ENPP2: variants seen among roughly 807,000 people sequenced by gnomAD.
ENPP2 encodes ectonucleotide pyrophosphatase/phosphodiesterase 2.
ENPP2 carries 51 observed loss-of-function variants against 120.2 expected under a neutral mutation model. The observed-to-expected ratio is 0.42, with a 90% confidence interval of 0.34 to 0.54. The LOEUF is 0.54. Among genes scored for constraint, ENPP2 ranks in the 20% least tolerant of loss-of-function variants. The pLI, the probability that ENPP2 is intolerant of heterozygous loss-of-function variation, is 0.04. For missense variants in ENPP2, 920 were observed against 1,066.5 expected, an observed-to-expected ratio of 0.86 and a Z score of 1.91; for synonymous variants, 365 against 366.4, an observed-to-expected ratio of 1.00 and a Z score of 0.04.
chr8:119,558,708 T>C (rs917029459), intron 24 of ENPP2, among the ~76,000 whole-genome samples: 11 of 151,576 alleles, frequency 7.3e-5, no homozygotes, highest in African/African-American at 2.0e-4. Flanking sequence ...CTTTCATTAG[T>C]AGACATTGAG....
chr8:119,568,569 A>G (rs1436165451), intron 21 of ENPP2, among the ~76,000 whole-genome samples: 3 of 152,084 alleles, frequency 2.0e-5, no homozygotes, highest in East Asian at 3.9e-4. Context: ...TTAAAAAAAA[A>G]TCATCAAGGT....
intron 22 of ENPP2, among the ~76,000 whole-genome samples, chr8:119,565,523 G>A (rs1421386600): frequency 1.3e-5 from 2 of 152,056 alleles, no homozygotes; most frequent in Admixed American, 6.6e-5. Flanking sequence ...CCCAACCCTC[G>A]CCTTCTCCAT....
intron 9 of ENPP2, among the ~76,000 whole-genome samples, chr8:119,602,572 T>C (rs999540388): frequency 1.3e-5 from 2 of 152,148 alleles, no homozygotes; most frequent in Non-Finnish European, 2.9e-5. Context: ...TGAAATATAA[T>C]TACCCTAAGT....
intron 1 of ENPP2, among the ~76,000 whole-genome samples, chr8:119,651,917 T>C (rs1817638266): frequency 6.6e-6 from 1 of 152,214 alleles, no homozygotes; most frequent in African/African-American, 2.4e-5. Flanking sequence ...TATTAGCTAA[T>C]GCTTATTGAA....
In ENPP2 at chr8:119,603,850, G is replaced by T. The variant is rs555886921; in HGVS notation, c.834-2388C>A. Among the ~76,000 whole-genome samples the T allele has an allele frequency of 2.1e-4, 32 of 152,170 alleles. No homozygotes were observed. The South Asian group carries it at 4.4e-3, about 21-fold the overall frequency. On this transcript the variant is annotated intron_variant, in intron 9 of 24. Transcript: ENST00000075322. ...TGGAGGGGTCGTCATTTTCTTGGGG[G>T]AAAGATAAGCAAGTGATAATTCTTT...
intron 24 of ENPP2, among the ~76,000 whole-genome samples, chr8:119,562,305 T>G (rs758970793): frequency 6.6e-5 from 10 of 151,926 alleles, no homozygotes; most frequent in Non-Finnish European, 1.0e-4. Context: ...TAGCTGGGCA[T>G]GGTGGTGCCC....
chr8:119,601,538 T>TG (rs1240021215), intron 9 of ENPP2, 76 bp from the exon 10 acceptor site: 106 of 1,051,318 alleles, frequency 1.0e-4, no homozygotes, highest in Non-Finnish European at 1.3e-4. Context: ...TGCTCGCTCT[T>TG]GCACCCAGGC....
chr8:119,652,038 T>C (rs1817641294), intron 1 of ENPP2, among the ~76,000 whole-genome samples: 1 of 152,170 alleles, frequency 6.6e-6, no homozygotes, highest in South Asian at 2.1e-4. Context: ...TATAAAAAAA[T>C]ACCATAAACT....
At chr8:119,644,796 C>T (rs889390897) in intron 1 of ENPP2, among the ~76,000 whole-genome samples, 2 of 151,458 alleles carry the variant, frequency 1.3e-5, no homozygotes, top group African/African-American at 2.4e-5. Flanking sequence ...CATAATAAAA[C>T]ATTTTAAAAT....
At chr8:119,595,008 T>C (rs1388859916) in intron 11 of ENPP2, among the ~76,000 whole-genome samples, 2 of 152,222 alleles carry the variant, frequency 1.3e-5, no homozygotes, top group Non-Finnish European at 2.9e-5. Flanking sequence ...CAGTTGAAAG[T>C]TTCAGAAAGA....
intron 8 of ENPP2, among the ~76,000 whole-genome samples, chr8:119,608,477 A>T (rs1814875643): frequency 6.6e-6 from 1 of 152,200 alleles, no homozygotes; most frequent in Non-Finnish European, 1.5e-5. Context: ...GCTAATTTTT[A>T]ATTTTGATTT....
intron 8 of ENPP2, among the ~76,000 whole-genome samples, chr8:119,615,877 C>T (rs1815421656): frequency 6.6e-6 from 1 of 152,072 alleles, no homozygotes; most frequent in Non-Finnish European, 1.5e-5. Context: ...TTGTCACCAC[C>T]ATAATCCTAG....
chr8:119,576,261 C>T (rs1328457731), intron 19 of ENPP2, among the ~76,000 whole-genome samples: 1 of 152,206 alleles, frequency 6.6e-6, no homozygotes, highest in Non-Finnish European at 1.5e-5. Flanking sequence ...CCCCAGTCTC[C>T]CTAGTAGCTG....
chr8:119,567,137 G>A (rs986715359), intron 22 of ENPP2, among the ~76,000 whole-genome samples: 1 of 152,122 alleles, frequency 6.6e-6, no homozygotes, highest in African/African-American at 2.4e-5. Context: ...GCACATAGAG[G>A]TGCTTCCTTT....
chr8:119,570,939 G>A (rs1265806769), intron 19 of ENPP2, 98 bp from the exon 20 acceptor site: 1 of 723,418 alleles, frequency 1.4e-6, no homozygotes, highest in East Asian at 3.1e-5. Context: ...AAAATGGCTA[G>A]CTTACTTATT....
chr8:119,657,838 T>A (rs1817811721), intron 1 of ENPP2, among the ~76,000 whole-genome samples: 2 of 152,196 alleles, frequency 1.3e-5, no homozygotes, highest in Non-Finnish European at 2.9e-5. Context: ...GTGTGTGGAC[T>A]CTTGCTGTCT....
intron 1 of ENPP2, among the ~76,000 whole-genome samples, chr8:119,657,740 G>C (rs1396204927): frequency 1.3e-5 from 2 of 152,186 alleles, no homozygotes. Context: ...GGAATGAAAG[G>C]AATCAACAAG....
chr8:119,586,198 C>T lies in ENPP2; in HGVS notation c.1355G>A (p.Trp452Ter). Residue 452 changes from tryptophan (W) to a stop codon, truncating the protein, a stop_gained, in exon 15 of 25, where the codon TGG (tryptophan) becomes TAG (stop). Transcript: ENST00000075322. LOFTEE classifies it high-confidence loss of function. ...ATATACCAGTTACCTTGCAACATGCCATCTGCGTTCCACCAATAAATGGAT... is the reference window on the plus strand; with the variant it reads ...ATATACCAGTTACCTTGCAACATGCTATCTGCGTTCCACCAATAAATGGAT... ...EDIHLLVERR[W>*]HVARKPLDVY... The T allele has an allele frequency of 6.2e-7, 1 of 1,614,008 alleles. No homozygotes were observed. The highest frequency in any genetic ancestry group is 8.5e-7 in the Non-Finnish European group (1 of 1,179,956).
rs1813567083 is a variant in ENPP2, at chr8:119,557,580, T to G, written c.2533A>C (p.Ser845Arg). Residue 845 changes from serine to arginine, a missense_variant, in exon 25 of 25, where the codon AGC (serine) becomes CGC (arginine). Transcript: ENST00000075322. Reference protein sequence around the residue: ...SLDFFRKTSRSYPEILTLKTY... With the variant: ...SLDFFRKTSRRYPEILTLKTY... ...TTGAGTGTCAGGATTTCTGGGTAGC[T>G]GCGGCTGGTCTTTCGGAAGAAGTCC... 1 of 1,613,080 alleles carries G rather than the reference T, an allele frequency of 6.2e-7. No individual in the cohort carries two copies. The highest frequency in any genetic ancestry group is 8.5e-7 in the Non-Finnish European group (1 of 1,179,990).
Sources: gnomAD v4.1 joint callset for allele counts (sites outside exome capture counted in the v4.1 genomes callset) on GRCh38, gnomAD v4.1.1 for gene constraint, MANE v1.5 for transcripts, NCBI Gene and HGNC (gene_info 2026-07-23, HGNC 2026-07-21) for gene names.